The following ATRNL1 variants were observed in gnomAD, a reference collection of about 807,000 sequenced individuals.
ATRNL1 encodes the protein attractin like 1, also known as attractin-like protein 1.
In ATRNL1, 95 loss-of-function variants were observed where a neutral mutation model predicts 182.7. That is an observed-to-expected ratio of 0.52 (90% confidence interval 0.44 to 0.62). The LOEUF is 0.62. Ranked by LOEUF, ATRNL1 falls within the 20% of genes least tolerant of loss-of-function variation. The probability of loss-of-function intolerance (pLI) is 0.00; values close to 1 mark genes in which losing one functional copy is unlikely to be tolerated. For missense variants in ATRNL1, 1,471 were observed against 1,679.5 expected, an observed-to-expected ratio of 0.88 and a Z score of 2.17; for synonymous variants, 576 against 568.3, an observed-to-expected ratio of 1.01 and a Z score of -0.19.
At chr10:115,619,298 G>A (rs1555021876) in intron 26 of ATRNL1, among the ~76,000 whole-genome samples, 1 of 152,174 alleles carries the variant, frequency 6.6e-6, no homozygotes. Flanking sequence ...ATTCCATGGG[G>A]CCATAGAGGG....
intron 28 of ATRNL1, among the ~76,000 whole-genome samples, chr10:115,907,663 T>C (rs946423489): frequency 1.3e-5 from 2 of 152,148 alleles, no homozygotes; most frequent in East Asian, 3.8e-4. Context: ...AGCAGGATCA[T>C]TGCAGAATAA....
At chr10:115,437,065 T>C (rs1453253161) in intron 21 of ATRNL1, among the ~76,000 whole-genome samples, 1 of 152,040 alleles carries the variant, frequency 6.6e-6, no homozygotes, top group Non-Finnish European at 1.5e-5. Context: ...GATTGAGCTT[T>C]GATTTGAAGA....
At chr10:115,532,927 C>T (rs1321678481) in intron 25 of ATRNL1, among the ~76,000 whole-genome samples, 15 of 149,860 alleles carry the variant, frequency 1.0e-4, no homozygotes, top group East Asian at 2.0e-4. Context: ...TATTGATTTG[C>T]GTATATTGAA....
chr10:115,879,987 G>A (rs1303245503), intron 28 of ATRNL1, among the ~76,000 whole-genome samples: 9 of 152,158 alleles, frequency 5.9e-5, no homozygotes, highest in Admixed American at 4.6e-4. Context: ...TCATCAGATG[G>A]TAAAAGCCAA....
At chr10:115,600,418 A>C (rs10885752) in intron 26 of ATRNL1, among the ~76,000 whole-genome samples, 74,973 of 151,844 alleles carry the variant, frequency 0.49, 19,434 homozygotes, top group African/African-American at 0.6. Context: ...ATGTAGTATT[A>C]TTGGTATTTT....
intron 7 of ATRNL1, among the ~76,000 whole-genome samples, chr10:115,168,444 G>T (rs1362503798): frequency 6.6e-6 from 1 of 152,030 alleles, no homozygotes; most frequent in Non-Finnish European, 1.5e-5. Context: ...ATGTATGAGG[G>T]TTTCTATTTC....
chr10:115,769,905 T>G (rs1283938969), intron 27 of ATRNL1, among the ~76,000 whole-genome samples: 2 of 152,146 alleles, frequency 1.3e-5, no homozygotes, highest in African/African-American at 4.8e-5. Flanking sequence ...TCTTTGTAAA[T>G]ATGCCTTTGA....
intron 19 of ATRNL1, among the ~76,000 whole-genome samples, chr10:115,361,475 C>T (rs189203393): frequency 1.3e-5 from 2 of 152,104 alleles, no homozygotes; most frequent in African/African-American, 2.4e-5. Context: ...ATCACCTCAG[C>T]AGACAAACTA....
At chr10:115,624,374 T>C (rs905191633) in intron 26 of ATRNL1, among the ~76,000 whole-genome samples, 7 of 152,166 alleles carry the variant, frequency 4.6e-5, no homozygotes, top group Non-Finnish European at 1.0e-4. Flanking sequence ...CAGTTTTTAA[T>C]TTTTATTGCA....
Position 115,268,457 on chromosome 10 carries a change from G to A in ATRNL1, c.2100+13G>A, listed in dbSNP as rs1241628471. ...TAACTGCAGTATGGTTAGTATTTAT[G>A]GGTAAATGGTGCTGTAGTTACAACA... On this transcript the variant is annotated intron_variant, in intron 13 of 28. Transcript: ENST00000355044. 1 of 1,500,820 alleles carries A rather than the reference G, an allele frequency of 6.7e-7. No individual in the cohort carries two copies. The highest frequency in any genetic ancestry group is 9.3e-7 in the Non-Finnish European group (1 of 1,077,106). 93.0% of individuals were successfully genotyped at this position (1,500,820 alleles called of 1,614,324 possible).
chr10:115,518,573 C>A (rs1291715445), intron 24 of ATRNL1, among the ~76,000 whole-genome samples: 1 of 151,674 alleles, frequency 6.6e-6, no homozygotes, highest in Non-Finnish European at 1.5e-5. Context: ...TTATTATTAC[C>A]ATTCGCATAT....
intron 24 of ATRNL1, among the ~76,000 whole-genome samples, chr10:115,483,460 A>G (rs1195957804): frequency 4.6e-5 from 7 of 151,562 alleles, no homozygotes; most frequent in African/African-American, 1.4e-4. Flanking sequence ...CATTCCTTCA[A>G]CTTTCAGCAT....
chr10:115,587,657 C>A (rs1191850741), intron 26 of ATRNL1, among the ~76,000 whole-genome samples: 1 of 152,080 alleles, frequency 6.6e-6, no homozygotes, highest in Admixed American at 6.6e-5. Flanking sequence ...CACCCACTGT[C>A]TGGCACTCCC....
intron 28 of ATRNL1, among the ~76,000 whole-genome samples, chr10:115,918,444 T>A (rs1395194546): frequency 6.6e-6 from 1 of 152,176 alleles, no homozygotes; most frequent in East Asian, 1.9e-4. Context: ...GTTGTACAGA[T>A]CTAGAAGTAG....
intron 27 of ATRNL1, among the ~76,000 whole-genome samples, chr10:115,740,866 A>G (rs1384065046): frequency 1.4e-5 from 2 of 140,118 alleles, no homozygotes; most frequent in African/African-American, 5.2e-5. Context: ...ACACACACAC[A>G]ATGTTATGGA....
At chr10:115,513,461 C>A (rs187083133) in intron 24 of ATRNL1, among the ~76,000 whole-genome samples, 68 of 152,024 alleles carry the variant, frequency 4.5e-4, no homozygotes, top group African/African-American at 1.6e-3. Context: ...TATCTGCTCT[C>A]CCACTAAGAA....
intron 21 of ATRNL1, among the ~76,000 whole-genome samples, chr10:115,452,975 T>C (rs1411278296): frequency 6.6e-6 from 1 of 152,130 alleles, no homozygotes; most frequent in Non-Finnish European, 1.5e-5. Flanking sequence ...TTATTTCACT[T>C]AGCATCATGT....
chr10:115,341,595 T>C (rs7896862), intron 19 of ATRNL1, among the ~76,000 whole-genome samples: 2,820 of 152,250 alleles, frequency 0.019, 102 homozygotes, highest in African/African-American at 0.065. Flanking sequence ...TGTTCATAGC[T>C]GAAAGTGCAG....
At chr10:115,248,721 T>C (rs1850749124) in intron 10 of ATRNL1, among the ~76,000 whole-genome samples, 1 of 151,782 alleles carries the variant, frequency 6.6e-6, no homozygotes, top group Admixed American at 6.6e-5. Flanking sequence ...TAACCTAGAG[T>C]AAATTGTGCT....
Sources: gnomAD v4.1 joint callset for allele counts (sites outside exome capture counted in the v4.1 genomes callset) on GRCh38, gnomAD v4.1.1 for gene constraint, MANE v1.5 for transcripts, NCBI Gene and HGNC (gene_info 2026-07-23, HGNC 2026-07-21) for gene names.